Variants in TLN2 observed in about 807,000 individuals in gnomAD.
TLN2 encodes talin 2, also known as talin-2.
In TLN2, 118 loss-of-function variants were observed where a neutral mutation model predicts 294.7. That is an observed-to-expected ratio of 0.40 (90% confidence interval 0.34 to 0.47). The LOEUF (loss-of-function observed/expected upper bound fraction) is 0.47, where lower values mean the gene tolerates loss of function less well. TLN2 is among the 20% of genes least tolerant of loss of function. TLN2 has a pLI of 0.84. For missense variants in TLN2, 3,083 were observed against 3,282.2 expected (o/e 0.94, Z 1.48); for synonymous variants, 1,431 against 1,304.5 (o/e 1.10, Z -2.09).
At chr15:62,840,447 T>C (rs763963733) in intron 58 of TLN2, 35 bp from the exon 59 acceptor site, 79 of 1,612,456 alleles carry the variant, frequency 4.9e-5, no homozygotes, top group Non-Finnish European at 5.9e-5. Context: ...TTCTACAAAG[T>C]GTTAGGTCCA....
chr15:62,742,790 C>G (rs1251716122), intron 32 of TLN2, among the ~76,000 whole-genome samples: 1 of 152,148 alleles, frequency 6.6e-6, no homozygotes, highest in African/African-American at 2.4e-5. Context: ...GCACATTCTC[C>G]TTGGTTTTTT....
In TLN2 at chr15:62,722,400, G is replaced by A. The variant is rs1032210783; in HGVS notation, c.3039G>A (p.Val1013=). 5 of 1,613,350 alleles carry A rather than the reference G, an allele frequency of 3.1e-6. No individual in the cohort carries two copies. Among genetic ancestry groups the A allele is most frequent in the Non-Finnish European group, 3.4e-6 (4 of 1,179,632 alleles). Residue 1013 remains valine (V), a synonymous_variant, in exon 26 of 59, where the codon GTG becomes GTA. Coordinates refer to ENST00000636159, the MANE Select transcript of TLN2 (RefSeq NM_015059.3). ...VSSAKAAVPT[V]SDQAAAMQLS... is the part of the protein sequence containing the mutation. ...CTGCCAAAGCCGCAGTGCCCACCGT[G>A]AGTGACCAGGCCGCAGCCATGCAGC...
At chr15:62,576,670 G>C (rs1821578) in intron 1 of TLN2, among the ~76,000 whole-genome samples, 106,458 of 116,200 alleles carry the variant, frequency 0.92, 48,615 homozygotes, top group East Asian at 1. Context: ...TCCCCCCCCC[G>C]CCCCCCACAT....
At chr15:62,566,504 G>A (rs549702836) in intron 1 of TLN2, among the ~76,000 whole-genome samples, 5 of 151,810 alleles carry the variant, frequency 3.3e-5, no homozygotes, top group Non-Finnish European at 5.9e-5. Context: ...AGAGGGATGT[G>A]CATGGGGTAT....
chr15:62,437,463 G>T (rs2035339954), intron 1 of TLN2, among the ~76,000 whole-genome samples: 1 of 151,784 alleles, frequency 6.6e-6, no homozygotes, highest in Non-Finnish European at 1.5e-5. Flanking sequence ...CAGGCTGGTC[G>T]TGAACTCCTG....
chr15:62,767,708 G>A (rs1308860661), intron 41 of TLN2, among the ~76,000 whole-genome samples: 1 of 152,256 alleles, frequency 6.6e-6, no homozygotes, highest in African/African-American at 2.4e-5. Context: ...TCTGTCTGAA[G>A]AGGTTTGCAG....
At chr15:62,801,339 C>G (rs28576036) in intron 50 of TLN2, among the ~76,000 whole-genome samples, 17,485 of 152,172 alleles carry the variant, frequency 0.11, 1,239 homozygotes, top group South Asian at 0.19. Flanking sequence ...TCTGGAGTTA[C>G]TGCAATGTGG....
Position 62,498,610 on chromosome 15 carries a change from C to G in TLN2, c.-237-91077C>G, listed in dbSNP as rs115377403. Among the ~76,000 whole-genome samples the G allele has an allele frequency of 3.4e-3, 519 of 152,196 alleles. 2 individuals are homozygous for G. In the Middle Eastern group the frequency reaches 0.054, roughly 16 times the overall value. On this transcript the variant is annotated intron_variant, in intron 1 of 58. Transcript: ENST00000636159. Reference sequence around the variant, plus strand: ...GTATCGGTGGCTGTGTTCTAGAGAGCTGGGGTCACCGTAAGTCTGATGATA... The same window carrying G: ...GTATCGGTGGCTGTGTTCTAGAGAGGTGGGGTCACCGTAAGTCTGATGATA...
intron 1 of TLN2, among the ~76,000 whole-genome samples, chr15:62,440,611 A>G (rs952031285): frequency 1.3e-5 from 2 of 151,888 alleles, no homozygotes. Context: ...TTCCATGGCA[A>G]CCTCTCTTGC....
chr15:62,710,471 C>T (rs1382439118), intron 21 of TLN2, among the ~76,000 whole-genome samples: 1 of 152,134 alleles, frequency 6.6e-6, no homozygotes, highest in African/African-American at 2.4e-5. Context: ...ATGCTTCACA[C>T]ATTTGAATTT....
intron 1 of TLN2, among the ~76,000 whole-genome samples, chr15:62,411,429 ATGTGTGTGTGTG>A (rs71125998): frequency 1.2e-3 from 168 of 136,686 alleles, no homozygotes; most frequent in Middle Eastern, 3.8e-3. Context: ...TGAGTAATGG[ATGTGTGTGTGTG>A]TGTGTGTGTG....
chr15:62,432,613 T>C (rs528390234), intron 1 of TLN2, among the ~76,000 whole-genome samples: 96 of 152,348 alleles, frequency 6.3e-4, no homozygotes, highest in African/African-American at 2.2e-3. Context: ...TGCTAATGTG[T>C]GTTATGTGAT....
chr15:62,407,840 G>A (rs1387993644), intron 1 of TLN2, among the ~76,000 whole-genome samples: 5 of 151,954 alleles, frequency 3.3e-5, no homozygotes, highest in African/African-American at 4.8e-5. Flanking sequence ...GCTTGAACCC[G>A]GGAGGCAGAG....
In TLN2 at chr15:62,702,218, G is replaced by A. The variant is rs770445090; in HGVS notation, c.1905+18G>A. 7.7e-6 allele frequency: 12 copies of A among 1,565,040 alleles called. No homozygotes were observed. Among genetic ancestry groups the A allele is most frequent in the Non-Finnish European group, 1.0e-5 (12 of 1,153,472 alleles). On this transcript the variant is annotated intron_variant, in intron 18 of 58. Coordinates refer to ENST00000636159, the MANE Select transcript of TLN2 (RefSeq NM_015059.3). Reference sequence around the variant, plus strand: ...CTGGAGAGGTAAGCTCCAGAGGCAAGCAATCACTCAGGTTCTGATGGGACA... The same window carrying A: ...CTGGAGAGGTAAGCTCCAGAGGCAAACAATCACTCAGGTTCTGATGGGACA...
intron 8 of TLN2, among the ~76,000 whole-genome samples, 172 bp from the exon 9 acceptor site, chr15:62,657,599 T>G (rs2053370862): frequency 6.6e-6 from 1 of 152,222 alleles, no homozygotes; most frequent in South Asian, 2.1e-4. Context: ...TTCTTTTGCC[T>G]TAGTTTTCTC....
At chr15:62,698,396 C>G (rs1445445962) in intron 15 of TLN2, among the ~76,000 whole-genome samples, 1 of 152,188 alleles carries the variant, frequency 6.6e-6, no homozygotes, top group Non-Finnish European at 1.5e-5. Context: ...AGGAAGCATT[C>G]TCATTTAACA....
chr15:62,492,522 C>A (rs1385216964), intron 1 of TLN2, among the ~76,000 whole-genome samples: 1 of 135,252 alleles, frequency 7.4e-6, no homozygotes, highest in African/African-American at 2.9e-5. Flanking sequence ...CGCCCCTGGG[C>A]GACAGAGCGA....
At chr15:62,657,962 A>G (rs2053399528) in intron 9 of TLN2, 64 bp downstream of exon 9, 2 of 1,490,890 alleles carry the variant, frequency 1.3e-6, no homozygotes, top group Non-Finnish European at 1.8e-6. Context: ...TCAGCTTTTT[A>G]TTTTTGAGCT....
chr15:62,509,800 C>T (rs550767695), intron 1 of TLN2, among the ~76,000 whole-genome samples: 2 of 152,298 alleles, frequency 1.3e-5, no homozygotes, highest in East Asian at 3.9e-4. Context: ...CTCCCACTTC[C>T]CTGCCTGGAA....
Sources: gnomAD v4.1 joint callset for allele counts (sites outside exome capture counted in the v4.1 genomes callset) on GRCh38, gnomAD v4.1.1 for gene constraint, MANE v1.5 for transcripts, NCBI Gene and HGNC (gene_info 2026-07-23, HGNC 2026-07-21) for gene names.